Variants in PCDHA13 observed in about 807,000 individuals in gnomAD.
PCDHA13 encodes protocadherin alpha 13.
A neutral mutation model predicts 64.8 loss-of-function variants in PCDHA13; 54 were observed. The ratio of observed to expected loss-of-function variants is 0.83; its 90% CI spans 0.67 to 1.04. The LOEUF is 1.04. PCDHA13 is among the 50% of genes least tolerant of loss of function. The pLI is 0.00. For synonymous variants in PCDHA13, 587 were observed against 564.4 expected (o/e 1.04, Z -0.57); for missense variants, 1,248 against 1,254.3 (o/e 0.99, Z 0.08).
At chr5:141,005,824 G>T (rs1380044629) in intron 3 of PCDHA13, among the ~76,000 whole-genome samples, 2 of 151,660 alleles carry the variant, frequency 1.3e-5, no homozygotes, top group African/African-American at 4.8e-5. Flanking sequence ...ATGGTGGCCT[G>T]TAGTCCCAGC....
chr5:140,991,981 T>TACC (rs1311484629), intron 3 of PCDHA13, among the ~76,000 whole-genome samples: 8 of 152,126 alleles, frequency 5.3e-5, no homozygotes, highest in Admixed American at 2.0e-4. Flanking sequence ...TTATTCTGCC[T>TACC]ACCACCCGGT....
At chr5:140,942,663 A>G (rs2153659608) in intron 1 of PCDHA13, among the ~76,000 whole-genome samples, 1 of 152,294 alleles carries the variant, frequency 6.6e-6, no homozygotes, top group African/African-American at 2.4e-5. Context: ...AAAAGCAATA[A>G]GCACAAAAGT....
chr5:141,000,419 A>ATTTTTT (rs1563652468), intron 3 of PCDHA13, among the ~76,000 whole-genome samples: 3 of 60,996 alleles, frequency 4.9e-5, no homozygotes, highest in African/African-American at 7.6e-5. Context: ...ATATATATAT[A>ATTTTTT]TATTTTTTTT....
intron 3 of PCDHA13, among the ~76,000 whole-genome samples, chr5:140,985,935 T>C (rs1563529145): frequency 6.6e-6 from 1 of 151,974 alleles, no homozygotes; most frequent in African/African-American, 2.4e-5. Context: ...GAGCCGGGGT[T>C]TCACTGTGTT....
rs1247587764 is a variant in PCDHA13 at position 140,883,158 on chromosome 5, C to T, written c.890C>T (p.Pro297Leu). ...GTGGTATATGCATTTACCATAAATC[C>T]GAACAATGGAGAAATTAGGACAAAA... ...PAVVYAFTIN[P>L]NNGEIRTKGK... is the part of the protein sequence containing the mutation. Residue 297 changes from proline to leucine, a missense_variant, in exon 1 of 4, where the codon CCG (proline) becomes CTG (leucine). Physicochemically the swap from Pro to Leu is moderately conservative, Grantham distance 98. Coordinates refer to ENST00000289272, the MANE Select transcript of PCDHA13 (RefSeq NM_018904.3). The T allele has an allele frequency of 1.9e-6, 3 of 1,613,592 alleles. No individual in the cohort carries two copies. In the African/African-American group the frequency reaches 4.0e-5, roughly 22 times the overall value.
At position 141,011,699 on chromosome 5, in the gene PCDHA13, A is replaced by G. The variant is rs537913184; in HGVS notation, c.*1762A>G. 6.5e-6 allele frequency: 1 copy of G among 153,890 alleles called. No homozygotes were observed. Among genetic ancestry groups the G allele is most frequent in the African/African-American group, 2.4e-5 (1 of 41,578 alleles). 9.5% of individuals were successfully genotyped at this position (153,890 alleles called of 1,614,324 possible). A position where few individuals can be genotyped will look rare whatever the true frequency, so the allele number is the denominator to read the frequency against. ...TTGTTCTAGTAACAATTTTGGAATG[A>G]ATACTGACAATATTCCATGAGGGTG... On this transcript the variant is annotated 3_prime_UTR_variant, in exon 4 of 4. Coordinates refer to ENST00000289272, the MANE Select transcript of PCDHA13 (RefSeq NM_018904.3).
At chr5:140,928,641 G>A in intron 1 of PCDHA13, 1 of 1,614,196 alleles carries the variant, frequency 6.2e-7, no homozygotes, top group Non-Finnish European at 8.5e-7. Context: ...TCACAAAAGT[G>A]GTAGCAGAGG....
chr5:141,005,701 C>CAAAAAA (rs59860837), intron 3 of PCDHA13, among the ~76,000 whole-genome samples: 13 of 7,792 alleles, frequency 1.7e-3, no homozygotes, highest in East Asian at 3.2e-3. Context: ...AACTCCGTCT[C>CAAAAAA]AAAAAAAAAA....
intron 1 of PCDHA13, among the ~76,000 whole-genome samples, chr5:140,921,386 A>C (rs2080192825): frequency 6.6e-6 from 1 of 152,156 alleles, no homozygotes; most frequent in African/African-American, 2.4e-5. Flanking sequence ...ATATTTGATA[A>C]ACATTCACAC....
chr5:140,886,698 C>G (rs578140955), intron 1 of PCDHA13, among the ~76,000 whole-genome samples: 3 of 151,820 alleles, frequency 2.0e-5, no homozygotes, highest in Non-Finnish European at 4.4e-5. Flanking sequence ...TGGTGGCACG[C>G]GCCTGTAATC....
At position 140,883,997 on chromosome 5, in the gene PCDHA13, G is replaced by A; in HGVS notation, c.1729G>A (p.Val577Met). 6.2e-7 allele frequency: 1 copy of A among 1,613,014 alleles called. No individual in the cohort carries two copies. Among genetic ancestry groups the A allele is most frequent in the Non-Finnish European group, 8.5e-7 (1 of 1,179,590 alleles). The change falls in exon 1 of 4, where the codon GTG becomes ATG. Residue 577 changes from valine (V) to methionine (M), a missense_variant. Transcript: ENST00000289272. Reference protein sequence around the residue: ...TPGAGSAGGTVSELMPRSVGA... With the variant: ...TPGAGSAGGTMSELMPRSVGA... ...CGGGGCTGGCAGCGCGGGAGGCACA[G>A]TGAGCGAGCTGATGCCGCGGTCGGT...
chr5:140,993,562 C>G (rs1233872464), intron 3 of PCDHA13, among the ~76,000 whole-genome samples: 3 of 150,520 alleles, frequency 2.0e-5, no homozygotes, highest in Non-Finnish European at 4.4e-5. Flanking sequence ...TATATAGTAT[C>G]CTTTCTAGGG....
Position 140,883,639 on chromosome 5 carries a change from G to A in PCDHA13, c.1371G>A (p.Gln457=), listed in dbSNP as rs2059720248. ...ACGACAACGCGCCGGCGTTCGCGCA[G>A]CCCGAGTACACGGTGTTCGTGAAGG... ...DVNDNAPAFA[Q]PEYTVFVKEN... is the part of the protein sequence containing the mutation. Residue 457 remains glutamine (Q), a synonymous_variant, in exon 1 of 4, where the codon CAG becomes CAA. Transcript: ENST00000289272. The A allele has an allele frequency of 6.2e-7, 1 of 1,614,016 alleles. No homozygotes were observed. The highest frequency in any genetic ancestry group is 8.5e-7 in the Non-Finnish European group (1 of 1,179,918).
At chr5:140,938,538 AT>A (rs1278860544) in intron 1 of PCDHA13, among the ~76,000 whole-genome samples, 1 of 135,490 alleles carries the variant, frequency 7.4e-6, no homozygotes, top group Non-Finnish European at 1.6e-5. Context: ...GATAATATGG[AT>A]TTTTATCCTT....
intron 1 of PCDHA13, among the ~76,000 whole-genome samples, chr5:140,885,555 C>T (rs1225816980): frequency 3.3e-5 from 5 of 151,940 alleles, no homozygotes; most frequent in South Asian, 2.1e-4. Flanking sequence ...GTTATTTCTA[C>T]GAAATTGATT....
chr5:140,893,954 T>C (rs115606551), intron 1 of PCDHA13, among the ~76,000 whole-genome samples: 1,862 of 152,344 alleles, frequency 0.012, 45 homozygotes, highest in African/African-American at 0.042. Flanking sequence ...CATGACTTTA[T>C]TAGTCATTAG....
rs533936031 is a variant in PCDHA13, at chr5:140,883,438, G to A, written c.1170G>A (p.Thr390=). 14 of 1,614,132 alleles carry A rather than the reference G, an allele frequency of 8.7e-6. No individual in the cohort carries two copies. The South Asian group carries it at 1.3e-4, about 15-fold the overall frequency. The part of the protein sequence containing the change: ...GSNGQVTCTL[T]PHVPFKLVST... ...ATGGACAGGTCACCTGCACCTTGAC[G>A]CCGCATGTCCCCTTCAAGCTGGTGT... Residue 390 remains threonine (T), a synonymous_variant, in exon 1 of 4, where the codon ACG becomes ACA. Coordinates refer to ENST00000289272, the MANE Select transcript of PCDHA13 (RefSeq NM_018904.3).
At chr5:140,966,885 C>G in intron 1 of PCDHA13, 1 of 1,590,818 alleles carries the variant, frequency 6.3e-7, no homozygotes, top group Non-Finnish European at 8.5e-7. Flanking sequence ...CCTGGCCCTG[C>G]GGCCTCCCAG....
chr5:140,883,756 G>A lies in PCDHA13; in HGVS notation c.1488G>A (p.Glu496=), dbSNP rs1404911116. The change falls in exon 1 of 4, where the codon GAG becomes GAA. Residue 496 remains glutamate, a synonymous_variant. Transcript: ENST00000289272. The part of the protein sequence containing the change: ...ENALVSYSLV[E]RRVGERALSS... ...CGCTGGTCTCCTACTCGCTGGTGGA[G>A]CGGCGGGTGGGCGAGCGTGCGCTGT... is the stretch of plus-strand genomic sequence containing the variant. The A allele has an allele frequency of 4.3e-6, 7 of 1,612,950 alleles. No individual in the cohort carries two copies. Among genetic ancestry groups the A allele is most frequent in the Non-Finnish European group, 5.1e-6 (6 of 1,179,800 alleles).
Sources: gnomAD v4.1 joint callset for allele counts (sites outside exome capture counted in the v4.1 genomes callset) on GRCh38, gnomAD v4.1.1 for gene constraint, MANE v1.5 for transcripts, NCBI Gene and HGNC (gene_info 2026-07-23, HGNC 2026-07-21) for gene names.